Variants in PHC3 observed in about 807,000 individuals in gnomAD.
PHC3 encodes the protein polyhomeotic-like protein 3.
A neutral mutation model predicts 107.4 loss-of-function variants in PHC3; 13 were observed. The observed-to-expected ratio is 0.12, with a 90% CI of 0.08 to 0.19. The LOEUF (loss-of-function observed/expected upper bound fraction) is 0.19. PHC3 is among the 10% of genes least tolerant of loss of function. PHC3 has a pLI of 1.00. For missense variants in PHC3, 992 were observed against 1,210.9 expected (o/e 0.82, Z 2.68); for synonymous variants, 456 against 427.4 (o/e 1.07, Z -0.83).
rs369540270 is a variant in PHC3 at position 170,164,746 on chromosome 3, T to C, written c.414+6627A>G. 2.4e-4 allele frequency among the ~76,000 whole-genome samples: 37 copies of C among 152,234 alleles called. 1 individual carries two copies. The highest frequency in any genetic ancestry group is 1.4e-3 in the Admixed American group (22 of 15,274). On this transcript the variant is annotated intron_variant, in intron 4 of 14. Transcript: ENST00000495893. Reference sequence around the variant, plus strand: ...AGGGTGGAAATGAAGAAGTCAGTAATCCAGAAACACCACAGGCACAAACAA... The same window carrying C: ...AGGGTGGAAATGAAGAAGTCAGTAACCCAGAAACACCACAGGCACAAACAA...
At chr3:170,155,659 T>C (rs992433568) in intron 4 of PHC3, among the ~76,000 whole-genome samples, 19 of 152,046 alleles carry the variant, frequency 1.2e-4, no homozygotes, top group African/African-American at 4.6e-4. Flanking sequence ...AGGCGGAGGT[T>C]GCAGTGAGCC....
intron 5 of PHC3, among the ~76,000 whole-genome samples, chr3:170,145,774 A>G (rs1395659603): frequency 1.3e-5 from 2 of 152,226 alleles, no homozygotes; most frequent in Non-Finnish European, 2.9e-5. Context: ...AAAAGAAAAT[A>G]TATTTTGGTG....
At chr3:170,164,296 C>G (rs1258593398) in intron 4 of PHC3, among the ~76,000 whole-genome samples, 3 of 152,094 alleles carry the variant, frequency 2.0e-5, no homozygotes, top group Admixed American at 1.3e-4. Flanking sequence ...CACTTTTACT[C>G]TATATATTTG....
Position 170,129,053 on chromosome 3 carries a change from G to A in PHC3, c.1419C>T (p.Ser473=), listed in dbSNP as rs751675530. 2 of 1,611,916 alleles carry A rather than the reference G, an allele frequency of 1.2e-6. No homozygotes were observed. The highest frequency in any genetic ancestry group is 1.7e-5 in the Admixed American group (1 of 59,452). The change falls in exon 8 of 15, where the codon TCC becomes TCT. Residue 473 remains serine, a synonymous_variant. Coordinates refer to ENST00000495893, the MANE Select transcript of PHC3 (RefSeq NM_024947.4). ...GAACTGGGCCAATGTGTACAACAGG[G>A]GAAGCTGGAAGTGGAAGATGGGATG... ...NLPSHLPLPA[S]PVVHIGPVQQ...
intron 6 of PHC3, 98 bp downstream of exon 6, chr3:170,145,325 C>T: frequency 1.2e-6 from 1 of 834,330 alleles, no homozygotes; most frequent in South Asian, 2.1e-5. Context: ...TGACAAAGAG[C>T]ACTGAAACCA....
At chr3:170,126,528 A>ATATATATATATATATATATATTTTTTT (rs370421296) in intron 8 of PHC3, among the ~76,000 whole-genome samples, 1 of 90,638 alleles carries the variant, frequency 1.1e-5, no homozygotes, top group African/African-American at 4.5e-5. Context: ...ATATATATAT[A>ATATATATATATATATATATATTTTTTT]TTTTTTTTTT....
At chr3:170,101,594 TCTC>T (rs1358855702) in intron 14 of PHC3, among the ~76,000 whole-genome samples, 6 of 152,192 alleles carry the variant, frequency 3.9e-5, no homozygotes, top group Admixed American at 2.0e-4. Flanking sequence ...TTTGTTTTAG[TCTC>T]CTCATTTTCC....
intron 4 of PHC3, among the ~76,000 whole-genome samples, chr3:170,151,926 A>C (rs1200078399): frequency 2.6e-5 from 4 of 152,204 alleles, no homozygotes. Context: ...AAGTTTATAT[A>C]GGAGGACCTC....
At chr3:170,132,961 A>C (rs1334045240) in intron 7 of PHC3, among the ~76,000 whole-genome samples, 1 of 152,200 alleles carries the variant, frequency 6.6e-6, no homozygotes, top group Non-Finnish European at 1.5e-5. Context: ...TCAAGTGGAA[A>C]CTCCACCTTC....
In PHC3 at chr3:170,092,472, A is replaced by C. The variant is rs1368288925; in HGVS notation, c.*4758T>G. 2.0e-5 allele frequency: 3 copies of C among 152,234 alleles called. No homozygotes were observed. The highest frequency in any genetic ancestry group is 7.2e-5 in the African/African-American group (3 of 41,456). 9.4% of individuals were successfully genotyped at this position (152,234 alleles called of 1,614,324 possible). On this transcript the variant is annotated 3_prime_UTR_variant, in exon 15 of 15. Coordinates refer to ENST00000495893, the MANE Select transcript of PHC3 (RefSeq NM_024947.4). ...AATACCAATATTGATGAATGTGGGTAAACAGTTCATTTCATGATCCACACT... is the reference window on the plus strand; with the variant it reads ...AATACCAATATTGATGAATGTGGGTCAACAGTTCATTTCATGATCCACACT...
At chr3:170,178,192 G>A (rs1560142709) in intron 2 of PHC3, among the ~76,000 whole-genome samples, 1 of 150,762 alleles carries the variant, frequency 6.6e-6, no homozygotes. Flanking sequence ...CGCTCAGGCG[G>A]GAGTGCTGTG....
intron 12 of PHC3, 66 bp downstream of exon 12, chr3:170,106,766 G>A: frequency 1.0e-6 from 1 of 996,460 alleles, no homozygotes; most frequent in Non-Finnish European, 1.5e-6. Flanking sequence ...GCTATTCAAG[G>A]GTTTTTTGGT....
At chr3:170,124,340 T>C (rs1720928214) in intron 8 of PHC3, among the ~76,000 whole-genome samples, 1 of 152,206 alleles carries the variant, frequency 6.6e-6, no homozygotes, top group Non-Finnish European at 1.5e-5. Flanking sequence ...ACAAAAATTA[T>C]GAGTTTTTAA....
Position 170,102,787 on chromosome 3 carries a change from A to T in PHC3, c.2601+15T>A, listed in dbSNP as rs369730662. On this transcript the variant is annotated intron_variant, in intron 13 of 14. Transcript: ENST00000495893. ...TGAAAAGGGTATTTTACATTGAAGCAAGGTTTATACAGACCTGCCTAAGGA... is the reference window on the plus strand; with the variant it reads ...TGAAAAGGGTATTTTACATTGAAGCTAGGTTTATACAGACCTGCCTAAGGA... 2.3e-5 allele frequency: 37 copies of T among 1,613,498 alleles called. 1 individual carries two copies. The highest frequency in any genetic ancestry group is 1.6e-4 in the East Asian group (7 of 44,876).
At chr3:170,127,602 T>C (rs544632226) in intron 8 of PHC3, among the ~76,000 whole-genome samples, 17 of 152,326 alleles carry the variant, frequency 1.1e-4, no homozygotes, top group South Asian at 4.1e-4. Context: ...TTAAAGAACA[T>C]TGAGGATAAT....
At chr3:170,135,043 C>T (rs1285991218) in intron 7 of PHC3, among the ~76,000 whole-genome samples, 1 of 152,070 alleles carries the variant, frequency 6.6e-6, no homozygotes, top group African/African-American at 2.4e-5. Flanking sequence ...TACACTTACA[C>T]CTAAGTATAA....
At chr3:170,126,040 T>C (rs1482425140) in intron 8 of PHC3, 2 of 832,028 alleles carry the variant, frequency 2.4e-6, no homozygotes, top group African/African-American at 1.8e-5. Context: ...TTCTAAATTA[T>C]CTACCCTCAA....
intron 8 of PHC3, 153 bp downstream of exon 8, chr3:170,128,531 C>G (rs1424828922): frequency 9.1e-7 from 1 of 1,093,136 alleles, no homozygotes; most frequent in East Asian, 2.7e-5. Flanking sequence ...TTTTTTTTTG[C>G]CCATACAGCA....
chr3:170,107,993 A>G (rs1380591876), intron 11 of PHC3, among the ~76,000 whole-genome samples: 2 of 152,214 alleles, frequency 1.3e-5, no homozygotes, highest in African/African-American at 4.8e-5. Flanking sequence ...AGTAGGCATT[A>G]AAAGTGATAG....
Sources: gnomAD v4.1 joint callset for allele counts (sites outside exome capture counted in the v4.1 genomes callset) on GRCh38, gnomAD v4.1.1 for gene constraint, MANE v1.5 for transcripts, NCBI Gene and HGNC (gene_info 2026-07-23, HGNC 2026-07-21) for gene names.